CFAP299: variants seen among roughly 807,000 people sequenced by gnomAD.
CFAP299 encodes the protein cilia and flagella associated protein 299, also known as cilia- and flagella-associated protein 299.
CFAP299 carries 21 observed loss-of-function variants against 27.0 expected under a neutral mutation model. The ratio of observed to expected loss-of-function variants is 0.78; its 90% confidence interval spans 0.55 to 1.12. CFAP299 has a LOEUF of 1.12. Ranked by LOEUF, CFAP299 falls within the 50% of genes most tolerant of loss-of-function variation. The pLI is 0.00. For missense variants in CFAP299, 310 were observed against 276.6 expected, an observed-to-expected ratio of 1.12 and a Z score of -0.86; for synonymous variants, 104 against 98.1, an observed-to-expected ratio of 1.06 and a Z score of -0.36.
intron 3 of CFAP299, among the ~76,000 whole-genome samples, chr4:80,757,724 T>G (rs773422224): frequency 7.9e-5 from 12 of 151,092 alleles, no homozygotes; most frequent in South Asian, 2.1e-4. Flanking sequence ...TGTTTGTTTG[T>G]TTGGTTTGGT....
intron 5 of CFAP299, among the ~76,000 whole-genome samples, chr4:80,949,921 G>A (rs184769307): frequency 2.3e-4 from 35 of 152,176 alleles, no homozygotes; most frequent in African/African-American, 8.2e-4. Context: ...TACAGACGAG[G>A]GAGGAAAAGC....
chr4:80,610,236 G>A (rs1737896911), intron 3 of CFAP299, among the ~76,000 whole-genome samples: 1 of 152,024 alleles, frequency 6.6e-6, no homozygotes, highest in Non-Finnish European at 1.5e-5. Context: ...GGACAGAAAT[G>A]AGAGTCTGCT....
chr4:80,398,684 T>C (rs570369952), intron 2 of CFAP299, among the ~76,000 whole-genome samples: 262 of 152,280 alleles, frequency 1.7e-3, no homozygotes, highest in South Asian at 3.5e-3. Context: ...TATACTAAAA[T>C]TAATTCAAGA....
intron 3 of CFAP299, among the ~76,000 whole-genome samples, chr4:80,842,634 G>C (rs1730926693): frequency 6.6e-6 from 1 of 152,126 alleles, no homozygotes; most frequent in African/African-American, 2.4e-5. Flanking sequence ...GCCGAGGCTT[G>C]TGAGCTTAAG....
chr4:80,658,891 A>G (rs1397444248), intron 3 of CFAP299, among the ~76,000 whole-genome samples: 3 of 152,148 alleles, frequency 2.0e-5, no homozygotes, highest in Non-Finnish European at 2.9e-5. Context: ...GGCCCCTTCT[A>G]CTGCTGCATT....
intron 3 of CFAP299, among the ~76,000 whole-genome samples, chr4:80,665,091 G>T (rs1741081332): frequency 6.6e-6 from 1 of 152,050 alleles, no homozygotes; most frequent in African/African-American, 2.4e-5. Flanking sequence ...AGATGAGCTG[G>T]GTACCTCAGT....
intron 2 of CFAP299, among the ~76,000 whole-genome samples, chr4:80,394,492 A>G (rs923466046): frequency 2.0e-5 from 3 of 150,284 alleles, no homozygotes; most frequent in Non-Finnish European, 3.0e-5. Flanking sequence ...CTAAGAATTT[A>G]TTGCTTCCTC....
At chr4:80,739,131 G>C (rs114216903) in intron 3 of CFAP299, among the ~76,000 whole-genome samples, 1 of 152,052 alleles carries the variant, frequency 6.6e-6, no homozygotes, top group African/African-American at 2.4e-5. Context: ...TTGAAAAGTT[G>C]TTTTAGTTAT....
At chr4:80,585,447 T>C (rs928308774) in intron 3 of CFAP299, among the ~76,000 whole-genome samples, 2 of 152,254 alleles carry the variant, frequency 1.3e-5, no homozygotes, top group African/African-American at 4.8e-5. Context: ...TACTAAGTTA[T>C]TTTTTTCCTT....
intron 2 of CFAP299, among the ~76,000 whole-genome samples, chr4:80,563,915 C>T (rs535477997): frequency 2.0e-5 from 3 of 151,998 alleles, no homozygotes; most frequent in East Asian, 3.9e-4. Flanking sequence ...CTACCATGAG[C>T]AACTATGAGT....
intron 2 of CFAP299, among the ~76,000 whole-genome samples, chr4:80,471,838 T>C (rs1293122870): frequency 6.6e-6 from 1 of 152,124 alleles, no homozygotes; most frequent in African/African-American, 2.4e-5. Context: ...GGGAGAGCGC[T>C]TGCACTCCTT....
intron 2 of CFAP299, among the ~76,000 whole-genome samples, chr4:80,450,766 A>G (rs1021553435): frequency 3.3e-5 from 5 of 152,104 alleles, no homozygotes; most frequent in African/African-American, 1.2e-4. Flanking sequence ...ATAAAATCCT[A>G]GTTGTTAAAA....
At chr4:80,807,717 T>C (rs533738909) in intron 3 of CFAP299, among the ~76,000 whole-genome samples, 8 of 152,212 alleles carry the variant, frequency 5.3e-5, no homozygotes, top group African/African-American at 1.9e-4. Context: ...ATAAAATGCA[T>C]TTATATAAAA....
intron 3 of CFAP299, among the ~76,000 whole-genome samples, chr4:80,584,754 GA>G (rs1302146622): frequency 1.3e-5 from 2 of 151,938 alleles, no homozygotes; most frequent in African/African-American, 2.4e-5. Context: ...CAGAAACCTA[GA>G]TTTTTTTTCA....
intron 2 of CFAP299, among the ~76,000 whole-genome samples, chr4:80,476,547 A>G (rs1467662763): frequency 1.3e-5 from 2 of 152,056 alleles, no homozygotes; most frequent in Non-Finnish European, 1.5e-5. Context: ...CTGGAGGGCT[A>G]TTTTGGGAAG....
intron 3 of CFAP299, chr4:80,790,642 G>T: frequency 6.6e-6 from 1 of 151,876 alleles, no homozygotes; most frequent in East Asian, 1.9e-4. Flanking sequence ...GCCATCACTG[G>T]GTTCCTACTA....
intron 4 of CFAP299, among the ~76,000 whole-genome samples, chr4:80,899,254 C>T (rs1270128780): frequency 1.3e-5 from 2 of 152,186 alleles, no homozygotes; most frequent in Non-Finnish European, 2.9e-5. Flanking sequence ...ATTTCCGACT[C>T]TTAAATTTGA....
chr4:80,653,478 A>G (rs1740409952), intron 3 of CFAP299, among the ~76,000 whole-genome samples: 1 of 152,116 alleles, frequency 6.6e-6, no homozygotes, highest in Non-Finnish European at 1.5e-5. Flanking sequence ...ACCCAAGGTG[A>G]ACACTATAGC....
At chr4:80,772,209 A>G (rs1034924980) in intron 3 of CFAP299, among the ~76,000 whole-genome samples, 3 of 152,330 alleles carry the variant, frequency 2.0e-5, no homozygotes, top group Non-Finnish European at 4.4e-5. Context: ...GTGGTCAATA[A>G]GAGATTAGTG....
Sources: gnomAD v4.1 joint callset for allele counts (sites outside exome capture counted in the v4.1 genomes callset) on GRCh38, gnomAD v4.1.1 for gene constraint, MANE v1.5 for transcripts, NCBI Gene and HGNC (gene_info 2026-07-23, HGNC 2026-07-21) for gene names.